The following CSGALNACT1 variants were observed in gnomAD, a reference collection of about 807,000 sequenced individuals.
The protein encoded by CSGALNACT1 is chondroitin sulfate N-acetylgalactosaminyltransferase 1.
A neutral mutation model predicts 51.0 loss-of-function variants in CSGALNACT1; 52 were observed. That is an observed-to-expected ratio of 1.02 (90% CI 0.82 to 1.29). The LOEUF (loss-of-function observed/expected upper bound fraction) is 1.29, where lower values mean the gene tolerates loss of function less well. Among genes scored for constraint, CSGALNACT1 ranks in the 50% most tolerant of loss-of-function variants. CSGALNACT1 has a pLI of 0.00. For missense variants in CSGALNACT1, 935 were observed against 679.2 expected (o/e 1.38, Z -4.19); for synonymous variants, 341 against 254.4 (o/e 1.34, Z -3.24).
At chr8:19,746,188 C>T (rs192107966) in intron 1 of CSGALNACT1, among the ~76,000 whole-genome samples, 42 of 152,270 alleles carry the variant, frequency 2.8e-4, no homozygotes, top group African/African-American at 9.1e-4. Flanking sequence ...TAAGCCCTAG[C>T]GTAGTAATAT....
intron 4 of CSGALNACT1, among the ~76,000 whole-genome samples, chr8:19,501,634 G>T (rs1463534605): frequency 5.3e-5 from 8 of 152,274 alleles, no homozygotes; most frequent in African/African-American, 1.4e-4. Flanking sequence ...CCTCACATAG[G>T]GGTCACATTA....
In CSGALNACT1 at chr8:19,408,610, T is replaced by C; in HGVS notation, c.1309+3A>G. 6.2e-7 allele frequency: 1 copy of C among 1,609,916 alleles called. No individual in the cohort carries two copies. The highest frequency in any genetic ancestry group is 1.1e-5 in the South Asian group (1 of 90,956). On this transcript the variant is annotated splice_donor_region_variant and intron_variant, in intron 9 of 9. Coordinates refer to ENST00000454498, the Ensembl canonical transcript of CSGALNACT1. ...TGGCAGTAGAGATGCAGATTTGTCCTACCTATATTGATGAAGTCTGACCGA... is the reference window on the plus strand; with the variant it reads ...TGGCAGTAGAGATGCAGATTTGTCCCACCTATATTGATGAAGTCTGACCGA...
At chr8:19,433,610 T>G (rs2059960979) in intron 6 of CSGALNACT1, among the ~76,000 whole-genome samples, 1 of 152,152 alleles carries the variant, frequency 6.6e-6, no homozygotes, top group African/African-American at 2.4e-5. Flanking sequence ...CTGAGTCAGG[T>G]CAAATAAAGA....
chr8:19,599,535 A>AAG (rs1564211978), intron 2 of CSGALNACT1, among the ~76,000 whole-genome samples: 5 of 150,106 alleles, frequency 3.3e-5, no homozygotes, highest in Non-Finnish European at 5.9e-5. Context: ...AAAAGAAAGA[A>AAG]AAAGAAGGAA....
intron 3 of CSGALNACT1, among the ~76,000 whole-genome samples, chr8:19,537,347 C>T (rs981865559): frequency 3.9e-5 from 6 of 152,258 alleles, no homozygotes; most frequent in South Asian, 4.1e-4. Context: ...GTGCAGTAAA[C>T]GGTCTTCGTG....
At chr8:19,514,657 C>T (rs2079168561) in intron 3 of CSGALNACT1, among the ~76,000 whole-genome samples, 1 of 136,564 alleles carries the variant, frequency 7.3e-6, no homozygotes, top group Non-Finnish European at 1.6e-5. Context: ...CCCGTCTCTA[C>T]CAAAAAAAAA....
chr8:19,727,075 G>T (rs577034783), intron 1 of CSGALNACT1, among the ~76,000 whole-genome samples: 175 of 152,176 alleles, frequency 1.1e-3, no homozygotes, highest in African/African-American at 4.1e-3. Context: ...GTCCAGCCTG[G>T]GTCACACATC....
At chr8:19,453,290 G>A (rs1176778444) in intron 5 of CSGALNACT1, among the ~76,000 whole-genome samples, 1 of 152,120 alleles carries the variant, frequency 6.6e-6, no homozygotes, top group Admixed American at 6.5e-5. Context: ...AACATTAGCA[G>A]GCACACTGTG....
chr8:19,418,555 T>C (rs999519110), intron 8 of CSGALNACT1, 101 bp downstream of exon 7: 13 of 804,824 alleles, frequency 1.6e-5, no homozygotes, highest in Middle Eastern at 2.2e-4. Flanking sequence ...AAGGGAATCA[T>C]TGCACAGATT....
At chr8:19,552,201 G>C (rs2088299862) in intron 3 of CSGALNACT1, among the ~76,000 whole-genome samples, 1 of 152,146 alleles carries the variant, frequency 6.6e-6, no homozygotes, top group African/African-American at 2.4e-5. Context: ...CCATTGAGTA[G>C]ATGAAGAATT....
intron 6 of CSGALNACT1, among the ~76,000 whole-genome samples, chr8:19,425,221 G>T (rs7004435): frequency 1.3e-5 from 2 of 151,876 alleles, no homozygotes; most frequent in African/African-American, 4.8e-5. Context: ...GGCGCCTGTA[G>T]TCCTCACTAC....
chr8:19,679,759 C>T (rs549690948), intron 1 of CSGALNACT1, among the ~76,000 whole-genome samples: 89 of 152,262 alleles, frequency 5.8e-4, no homozygotes, highest in African/African-American at 2.1e-3. Flanking sequence ...ATGAAAACGC[C>T]ACTCTTAGGT....
At chr8:19,704,680 G>C (rs201211234) in intron 1 of CSGALNACT1, among the ~76,000 whole-genome samples, 1 of 151,190 alleles carries the variant, frequency 6.6e-6, no homozygotes, top group African/African-American at 2.5e-5. Flanking sequence ...ACCCATAGAC[G>C]GATGGATGGA....
intron 1 of CSGALNACT1, among the ~76,000 whole-genome samples, chr8:19,694,668 A>C (rs1344224009): frequency 6.6e-6 from 1 of 152,218 alleles, no homozygotes; most frequent in Non-Finnish European, 1.5e-5. Flanking sequence ...GGGTTCCCTT[A>C]ATGCTAAATA....
chr8:19,540,383 C>T (rs1307582846), intron 3 of CSGALNACT1, among the ~76,000 whole-genome samples: 1 of 152,194 alleles, frequency 6.6e-6, no homozygotes, highest in Non-Finnish European at 1.5e-5. Flanking sequence ...TTCTACACCC[C>T]TCCTCTTGCT....
intron 1 of CSGALNACT1, among the ~76,000 whole-genome samples, chr8:19,645,692 G>T (rs577554951): frequency 1.3e-5 from 2 of 152,332 alleles, no homozygotes; most frequent in East Asian, 3.9e-4. Context: ...GATGCTGTGG[G>T]CACTGCCTGA....
Position 19,523,296 on chromosome 8 carries a change from A to G in CSGALNACT1, c.-296-17166T>C, listed in dbSNP as rs368340905. Among the ~76,000 whole-genome samples the G allele has an allele frequency of 3.0e-4, 45 of 152,168 alleles. No homozygotes were observed. In the East Asian group the frequency reaches 4.2e-3, roughly 14 times the overall value. On this transcript the variant is annotated intron_variant, in intron 3 of 9. Transcript: ENST00000454498. ...CTTACTTATTTGGAGACAGGTTCTC[A>G]CTCTGTCACCTAGGCTGAAGTGCAA...
intron 8 of CSGALNACT1, among the ~76,000 whole-genome samples, chr8:19,414,498 A>C (rs970450510): frequency 2.0e-5 from 3 of 152,220 alleles, no homozygotes; most frequent in Non-Finnish European, 2.9e-5. Context: ...AAACTAAAAA[A>C]ATTTAAATGT....
At chr8:19,537,512 C>G (rs2084037427) in intron 3 of CSGALNACT1, among the ~76,000 whole-genome samples, 1 of 152,316 alleles carries the variant, frequency 6.6e-6, no homozygotes, top group East Asian at 1.9e-4. Flanking sequence ...GACCACCCCA[C>G]TCAGCATAAA....
Sources: gnomAD v4.1 joint callset for allele counts (sites outside exome capture counted in the v4.1 genomes callset) on GRCh38, gnomAD v4.1.1 for gene constraint, MANE v1.5 for transcripts, NCBI Gene and HGNC (gene_info 2026-07-23, HGNC 2026-07-21) for gene names.